OPCML: variants seen among roughly 807,000 people sequenced by gnomAD.
OPCML encodes opioid-binding protein/cell adhesion molecule.
Under a neutral mutation model 37.8 loss-of-function variants are expected in OPCML, and 13 were observed. The observed-to-expected ratio is 0.34, with a 90% CI of 0.22 to 0.55. The LOEUF is 0.55. Among genes scored for constraint, OPCML ranks in the 20% least tolerant of loss-of-function variants. OPCML has a pLI of 0.91. For synonymous variants in OPCML, 176 were observed against 168.8 expected, an observed-to-expected ratio of 1.04 and a Z score of -0.33; for missense variants, 341 against 435.6, an observed-to-expected ratio of 0.78 and a Z score of 1.93.
intron 3 of OPCML, among the ~76,000 whole-genome samples, chr11:132,566,768 C>G (rs534919351): frequency 1.1e-4 from 17 of 152,224 alleles, no homozygotes; most frequent in African/African-American, 4.1e-4. Context: ...AGAAACCTAA[C>G]CAATCTTAAA....
chr11:132,860,370 C>T (rs1044602637), intron 2 of OPCML: 1 of 152,168 alleles, frequency 6.6e-6, no homozygotes, highest in Non-Finnish European at 1.5e-5. Flanking sequence ...TCCCGCTTGC[C>T]TTATTCAGTA....
chr11:132,497,884 T>A (rs183143359), intron 4 of OPCML, among the ~76,000 whole-genome samples: 48 of 152,306 alleles, frequency 3.2e-4, no homozygotes, highest in African/African-American at 7.0e-4. Context: ...TGTACTTTTT[T>A]AAATTTTTTT....
intron 1 of OPCML, among the ~76,000 whole-genome samples, chr11:133,477,466 G>A (rs1591543465): frequency 6.6e-6 from 1 of 152,180 alleles, no homozygotes; most frequent in African/African-American, 2.4e-5. Flanking sequence ...GGTGGAAAAT[G>A]CACATCACAG....
At chr11:133,512,036 C>T (rs11820982) in intron 1 of OPCML, among the ~76,000 whole-genome samples, 10,040 of 152,222 alleles carry the variant, frequency 0.066, 1,120 homozygotes, top group African/African-American at 0.23. Flanking sequence ...GTTGGGGGTT[C>T]CTCGCACACT....
chr11:132,466,533 C>A (rs11223084), intron 4 of OPCML, among the ~76,000 whole-genome samples: 71,813 of 151,116 alleles, frequency 0.48, 18,823 homozygotes, highest in East Asian at 0.86. Context: ...TTTGTTGGAA[C>A]GAAAAAACAG....
chr11:132,922,054 A>AT (rs1944825184), intron 2 of OPCML, among the ~76,000 whole-genome samples: 2 of 151,626 alleles, frequency 1.3e-5, no homozygotes, highest in South Asian at 4.2e-4. Context: ...TAATTTTTGT[A>AT]TTTTTAGTAG....
chr11:132,431,852 C>T (rs2095998066), intron 7 of OPCML, among the ~76,000 whole-genome samples: 1 of 152,186 alleles, frequency 6.6e-6, no homozygotes, highest in Non-Finnish European at 1.5e-5. Context: ...AATACAAATG[C>T]ATGCCTGCAG....
intron 2 of OPCML, among the ~76,000 whole-genome samples, chr11:132,721,523 G>T (rs1944669765): frequency 6.6e-6 from 1 of 152,178 alleles, no homozygotes; most frequent in Admixed American, 6.5e-5. Flanking sequence ...GCCATGTGAA[G>T]GGCTGCAAAC....
At chr11:132,603,670 C>A (rs139504593) in intron 3 of OPCML, among the ~76,000 whole-genome samples, 1 of 152,260 alleles carries the variant, frequency 6.6e-6, no homozygotes, top group East Asian at 1.9e-4. Context: ...AGGATAACAT[C>A]AAAACTTATC....
intron 2 of OPCML, among the ~76,000 whole-genome samples, chr11:132,762,721 T>G (rs1386832601): frequency 2.0e-5 from 3 of 152,152 alleles, no homozygotes; most frequent in Non-Finnish European, 4.4e-5. Flanking sequence ...AGCGAAAATT[T>G]CAACCCAGTG....
intron 7 of OPCML, among the ~76,000 whole-genome samples, chr11:132,425,414 C>T (rs191266960): frequency 1.1e-3 from 162 of 152,304 alleles, no homozygotes; most frequent in African/African-American, 3.7e-3. Context: ...TGAATTCTGG[C>T]TCTGCTATCC....
chr11:132,934,258 C>T (rs1945300237), intron 2 of OPCML, among the ~76,000 whole-genome samples: 1 of 152,104 alleles, frequency 6.6e-6, no homozygotes, highest in Admixed American at 6.5e-5. Context: ...AGAAGAGATC[C>T]TGGCAGGACA....
chr11:133,145,994 C>T (rs1592047658), intron 1 of OPCML, among the ~76,000 whole-genome samples: 1 of 152,244 alleles, frequency 6.6e-6, no homozygotes, highest in East Asian at 1.9e-4. Context: ...CAATGGTAGC[C>T]CTGTGATAAT....
chr11:132,417,675 G>A lies in OPCML; in HGVS notation c.*2518C>T, dbSNP rs556780195. The A allele has an allele frequency of 6.6e-6, 1 of 152,314 alleles. No homozygotes were observed. Among genetic ancestry groups the A allele is most frequent in the South Asian group, 2.1e-4 (1 of 4,820 alleles). The allele number at this position is 152,314 out of a possible 1,614,324, so 9.4% of individuals were successfully genotyped here. On this transcript the variant is annotated 3_prime_UTR_variant, in exon 8 of 8. Transcript: ENST00000524381. ...TCTCCAAGACTGTCCACTCTTCACA[G>A]CCTTCACATTTATTCAACTCCAAAG...
rs909586476 is a variant in OPCML, at chr11:133,129,466, C to G, written c.62-186456G>C. Among the ~76,000 whole-genome samples, 3 of 152,026 alleles carry G rather than the reference C, an allele frequency of 2.0e-5. No individual in the cohort carries two copies. In the East Asian group the frequency reaches 5.8e-4, roughly 29 times the overall value. ...CCTAACACATTTCAGAGGCAAAACC[C>G]AAATGGATGAAATTATTTTCTTGTA... On this transcript the variant is annotated intron_variant, in intron 1 of 7. Coordinates refer to ENST00000524381, the MANE Select transcript of OPCML (RefSeq NM_001012393.5).
intron 1 of OPCML, among the ~76,000 whole-genome samples, chr11:133,437,933 A>C (rs1946279206): frequency 6.6e-6 from 1 of 152,188 alleles, no homozygotes; most frequent in Admixed American, 6.5e-5. Flanking sequence ...TTGAACCTGC[A>C]AAGACTTGGA....
intron 3 of OPCML, among the ~76,000 whole-genome samples, chr11:132,592,914 T>C (rs976310020): frequency 6.6e-6 from 1 of 152,190 alleles, no homozygotes; most frequent in Non-Finnish European, 1.5e-5. Flanking sequence ...CTATTGTAGG[T>C]GTCAGGCGTA....
intron 1 of OPCML, among the ~76,000 whole-genome samples, chr11:133,124,571 G>T (rs949604170): frequency 6.6e-6 from 1 of 152,084 alleles, no homozygotes; most frequent in Non-Finnish European, 1.5e-5. Context: ...ATCACCAGAG[G>T]GCAAAGGTGT....
intron 3 of OPCML, among the ~76,000 whole-genome samples, chr11:132,540,446 C>A (rs1050757322): frequency 4.6e-5 from 7 of 152,140 alleles, no homozygotes; most frequent in Non-Finnish European, 1.0e-4. Context: ...TCCAGTGGGG[C>A]AGCCAGCAAA....
Sources: allele counts gnomAD v4.1 joint callset (sites outside exome capture counted in the v4.1 genomes callset), GRCh38; gene constraint gnomAD v4.1.1; transcripts MANE v1.5; gene names NCBI Gene and HGNC (gene_info 2026-07-23, HGNC 2026-07-21).